ASRGL1: variants seen among roughly 807,000 people sequenced by gnomAD.
ASRGL1 encodes isoaspartyl peptidase/L-asparaginase.
A neutral mutation model predicts 22.4 loss-of-function variants in ASRGL1; 16 were observed. The ratio of observed to expected loss-of-function variants is 0.71; its 90% CI spans 0.48 to 1.08. The LOEUF is 1.08. ASRGL1 is among the 50% of genes least tolerant of loss of function. The pLI, the probability that ASRGL1 is intolerant of heterozygous loss-of-function variation, is 0.00. For missense variants in ASRGL1, 412 were observed against 410.1 expected (o/e 1.00, Z -0.04); for synonymous variants, 165 against 159.3 (o/e 1.04, Z -0.27).
chr11:62,388,039 T>C (rs1039312860), intron 4 of ASRGL1, among the ~76,000 whole-genome samples: 1 of 152,174 alleles, frequency 6.6e-6, no homozygotes, highest in Admixed American at 6.5e-5. Context: ...TAGGAGAGAC[T>C]AATACACATC....
chr11:62,345,667 A>G (rs1945999136), intron 2 of ASRGL1, among the ~76,000 whole-genome samples: 1 of 152,154 alleles, frequency 6.6e-6, no homozygotes, highest in African/African-American at 2.4e-5. Flanking sequence ...CCCCCTCCTC[A>G]GGCTTGATAA....
At chr11:62,400,733 C>A in the ASRGL1 span, among the ~76,000 whole-genome samples, 1 of 152,228 alleles carries the variant, frequency 6.6e-6, no homozygotes, top group Non-Finnish European at 1.5e-5. Flanking sequence ...CGTCACACAG[C>A]AGGTAAGTGG....
chr11:62,378,053 A>T (rs1946972714), intron 4 of ASRGL1, among the ~76,000 whole-genome samples: 3 of 152,252 alleles, frequency 2.0e-5, no homozygotes, highest in Admixed American at 2.0e-4. Context: ...TCTCCTCTTA[A>T]GATAGAGAAC....
In ASRGL1 at chr11:62,371,400, C is replaced by G. The variant is rs555717712; in HGVS notation, c.491+14256C>G. ...GTGCGGCTGTGGTGGTCGCCGAACC[C>G]GAGCACACCAAGAAGCACGTCAAAC... On this transcript the variant is annotated intron_variant, in intron 4 of 6. Coordinates refer to ENST00000415229, the MANE Select transcript of ASRGL1 (RefSeq NM_001083926.2). 6.8e-6 allele frequency: 4 copies of G among 591,622 alleles called. No individual in the cohort carries two copies. In the Admixed American group the frequency reaches 9.6e-5, roughly 14 times the overall value. The allele number at this position is 591,622 out of a possible 1,614,324, so 36.6% of individuals were successfully genotyped here.
At position 62,357,024 on chromosome 11, in the gene ASRGL1, A is replaced by C. The variant is rs2134608186; in HGVS notation, c.371A>C (p.Gln124Pro). 1.2e-6 allele frequency: 2 copies of C among 1,613,878 alleles called. No individual in the cohort carries two copies. Among genetic ancestry groups the C allele is most frequent in the Non-Finnish European group, 1.7e-6 (2 of 1,179,984 alleles). The part of the protein sequence containing the change: ...HCFLTDQGAA[Q>P]FAAAMGVPEI... Reference sequence around the variant, plus strand: ...TTTCTGACTGACCAAGGCGCAGCGCAGTTTGCAGCAGCTATGGGGGTTCCA... The same window carrying C: ...TTTCTGACTGACCAAGGCGCAGCGCCGTTTGCAGCAGCTATGGGGGTTCCA... Residue 124 changes from glutamine (Q) to proline (P), a missense_variant, in exon 4 of 7, where the codon CAG becomes CCG. Physicochemically the swap from Gln to Pro is moderately conservative, Grantham distance 76. Coordinates refer to ENST00000415229, the MANE Select transcript of ASRGL1 (RefSeq NM_001083926.2).
Position 62,349,640 on chromosome 11 carries a change from C to A in ASRGL1, c.191-6685C>A, listed in dbSNP as rs543148461. Reference sequence around the variant, plus strand: ...GAATGTTCTGTAAATGGAGTTGTTACCAGACGGGTCCCGATCCAGACCCCA... The same window carrying A: ...GAATGTTCTGTAAATGGAGTTGTTAACAGACGGGTCCCGATCCAGACCCCA... On this transcript the variant is annotated intron_variant, in intron 2 of 6. Transcript: ENST00000415229. Among the ~76,000 whole-genome samples the A allele has an allele frequency of 3.9e-5, 6 of 152,274 alleles. No homozygotes were observed. The South Asian group carries it at 1.2e-3, about 32-fold the overall frequency.
At chr11:62,386,786 A>T (rs1054382732) in intron 4 of ASRGL1, among the ~76,000 whole-genome samples, 1 of 152,236 alleles carries the variant, frequency 6.6e-6, no homozygotes, top group Non-Finnish European at 1.5e-5. Context: ...AATTGACACT[A>T]ACAGCAGTAC....
rs2134701247 is a variant in ASRGL1, at chr11:62,389,213, A to G, written c.572A>G (p.Asn191Ser). 5 of 1,614,216 alleles carry G rather than the reference A, an allele frequency of 3.1e-6. No individual in the cohort carries two copies. The highest frequency in any genetic ancestry group is 1.1e-5 in the South Asian group (1 of 91,072). Residue 191 changes from asparagine to serine, a missense_variant, in exon 5 of 7, where the codon AAT (asparagine) becomes AGT (serine). Physicochemically the swap from Asn to Ser is conservative, Grantham distance 46. Coordinates refer to ENST00000415229, the MANE Select transcript of ASRGL1 (RefSeq NM_001083926.2). Reference sequence around the variant, plus strand: ...GCAACCTCCACAGGCGGTATCGTTAATAAAATGGTCGGCCGCGTTGGGGAC... The same window carrying G: ...GCAACCTCCACAGGCGGTATCGTTAGTAAAATGGTCGGCCGCGTTGGGGAC... ...AYATSTGGIV[N>S]KMVGRVGDSP...
downstream of ASRGL1, among the ~76,000 whole-genome samples, chr11:62,397,452 G>C (rs1194555986): frequency 6.6e-6 from 1 of 152,066 alleles, no homozygotes; most frequent in Non-Finnish European, 1.5e-5. Context: ...GATCACCTGA[G>C]GTCAGGGTTC....
At chr11:62,344,377 A>G (rs1479906589) in intron 2 of ASRGL1, among the ~76,000 whole-genome samples, 5 of 152,064 alleles carry the variant, frequency 3.3e-5, no homozygotes, top group Admixed American at 3.3e-4. Flanking sequence ...TTCTTTCTCA[A>G]TATTTTATTG....
rs2134607689 is a variant in ASRGL1, at chr11:62,356,905, A to T, written c.334-82A>T. On this transcript the variant is annotated intron_variant, in intron 3 of 6. Transcript: ENST00000415229. ...GATCCTTTGCACCCAGAGAGAAGTA[A>T]TTATTTCAACACAGTTGGAACAGTT... is the stretch of plus-strand genomic sequence containing the variant. The T allele has an allele frequency of 2.8e-6, 4 of 1,451,204 alleles. No homozygotes were observed. In the East Asian group the frequency reaches 7.0e-5, roughly 25 times the overall value. The allele number at this position is 1,451,204 out of a possible 1,614,324, so 89.9% of individuals were successfully genotyped here.
Position 62,356,339 on chromosome 11 carries a change from T to G in ASRGL1, c.205T>G (p.Leu69Val), listed in dbSNP as rs754181082. 6.2e-7 allele frequency: 1 copy of G among 1,614,190 alleles called. No individual in the cohort carries two copies. The highest frequency in any genetic ancestry group is 1.1e-5 in the South Asian group (1 of 91,090). Residue 69 changes from leucine to valine, a missense_variant, in exon 3 of 7, where the codon TTG becomes GTG. Leu to Val is a conservative substitution (Grantham distance 32, BLOSUM62 1). Coordinates refer to ENST00000415229, the MANE Select transcript of ASRGL1 (RefSeq NM_001083926.2). ...PEFNAGCGSV[L>V]NTNGEVEMDA... is the part of the protein sequence containing the mutation. ...TTTGGTTTTAGGTTGTGGGTCTGTCTTGAACACAAATGGTGAGGTTGAAAT... is the reference window on the plus strand; with the variant it reads ...TTTGGTTTTAGGTTGTGGGTCTGTCGTGAACACAAATGGTGAGGTTGAAAT...
chr11:62,371,263 AGCAGCAGTGGTG>A, intron 4 of ASRGL1: 1 of 1,345,798 alleles, frequency 7.4e-7, no homozygotes, highest in East Asian at 3.0e-5. Context: ...GCGCTGCAGT[AGCAGCAGTGGTG>A]GCAGCAGCAG....
downstream of ASRGL1, among the ~76,000 whole-genome samples, chr11:62,394,508 G>T (rs1415938202): frequency 6.6e-6 from 1 of 151,556 alleles, no homozygotes; most frequent in Non-Finnish European, 1.5e-5. Context: ...ACAGAATTCA[G>T]TCCATAACAG....
At chr11:62,371,129 C>G (rs768430366) in intron 4 of ASRGL1, 11 of 998,730 alleles carry the variant, frequency 1.1e-5, no homozygotes, top group African/African-American at 1.7e-5. Flanking sequence ...CAACCAGCCG[C>G]AACCATGCCC....
At chr11:62,354,661 AAGGG>A (rs1209162598) in intron 2 of ASRGL1, among the ~76,000 whole-genome samples, 1 of 152,138 alleles carries the variant, frequency 6.6e-6, no homozygotes. Context: ...ATGCTGGAGA[AAGGG>A]AGGAATCACG....
At chr11:62,346,964 G>A (rs1163617063) in intron 2 of ASRGL1, among the ~76,000 whole-genome samples, 1 of 93,758 alleles carries the variant, frequency 1.1e-5, no homozygotes, top group African/African-American at 3.6e-5. Context: ...GTGAGACTCC[G>A]TCTCAAAAAA....
intron 2 of ASRGL1, among the ~76,000 whole-genome samples, chr11:62,342,687 G>T (rs188488011): frequency 1.3e-5 from 2 of 152,228 alleles, no homozygotes; most frequent in African/African-American, 2.4e-5. Context: ...GAACCCAGAA[G>T]GGGGAGGTTG....
At chr11:62,396,084 T>C (rs1947430397), downstream of ASRGL1, among the ~76,000 whole-genome samples, 2 of 151,862 alleles carry the variant, frequency 1.3e-5, no homozygotes, top group Admixed American at 6.6e-5. Context: ...AGCTGTTTCA[T>C]GGGAACAAGG....
Sources: allele counts gnomAD v4.1 joint callset (sites outside exome capture counted in the v4.1 genomes callset), GRCh38; gene constraint gnomAD v4.1.1; transcripts MANE v1.5; gene names NCBI Gene and HGNC (gene_info 2026-07-23, HGNC 2026-07-21).